The following MAGI1 variants were observed in gnomAD, a reference collection of about 807,000 sequenced individuals.
MAGI1 encodes membrane-associated guanylate kinase, WW and PDZ domain-containing protein 1.
A neutral mutation model predicts 139.9 loss-of-function variants in MAGI1; 58 were observed. The ratio of observed to expected loss-of-function variants is 0.41; its 90% CI spans 0.34 to 0.52. MAGI1 has a LOEUF of 0.52. Ranked by LOEUF, MAGI1 falls within the 20% of genes least tolerant of loss-of-function variation. MAGI1 has a pLI of 0.12. For synonymous variants in MAGI1, 812 were observed against 737.9 expected, an observed-to-expected ratio of 1.10 and a Z score of -1.63; for missense variants, 1,874 against 1,901.6, an observed-to-expected ratio of 0.99 and a Z score of 0.27.
chr3:65,941,763 A>G (rs2063326130), intron 1 of MAGI1, among the ~76,000 whole-genome samples: 1 of 152,338 alleles, frequency 6.6e-6, no homozygotes, highest in Middle Eastern at 3.4e-3. Context: ...TTCAGGCATT[A>G]AAGGAAAAGT....
intron 1 of MAGI1, among the ~76,000 whole-genome samples, chr3:65,979,742 A>G (rs1560076962): frequency 6.6e-6 from 1 of 152,186 alleles, no homozygotes; most frequent in African/African-American, 2.4e-5. Context: ...TCATAAAGGA[A>G]AAGCTTAGGT....
At chr3:65,737,213 G>C (rs544784433) in intron 1 of MAGI1, among the ~76,000 whole-genome samples, 1 of 152,212 alleles carries the variant, frequency 6.6e-6, no homozygotes, top group African/African-American at 2.4e-5. Flanking sequence ...CCGTGTTATA[G>C]CCAGGATGGT....
At position 65,591,747 on chromosome 3, in the gene MAGI1, C is replaced by T. The variant is rs539711745; in HGVS notation, c.430+30225G>A. Among the ~76,000 whole-genome samples the T allele has an allele frequency of 7.8e-4, 119 of 152,292 alleles. 1 individual carries two copies. The highest frequency in any genetic ancestry group is 1.1e-3 in the Non-Finnish European group (78 of 68,018). On this transcript the variant is annotated intron_variant, in intron 2 of 22. Transcript: ENST00000402939. ...ACTCTATTTCTGCCACTCCGGCCTC[C>T]TTGCTGTTCCTCTGAAAATGCAGGT...
At chr3:65,926,026 T>C (rs2106658446) in intron 1 of MAGI1, among the ~76,000 whole-genome samples, 1 of 152,338 alleles carries the variant, frequency 6.6e-6, no homozygotes, top group African/African-American at 2.4e-5. Flanking sequence ...TAAATGCTTT[T>C]ATCTCCATTT....
chr3:65,952,455 G>A (rs569673529), intron 1 of MAGI1, among the ~76,000 whole-genome samples: 21 of 152,282 alleles, frequency 1.4e-4, no homozygotes, highest in Middle Eastern at 3.4e-3. Flanking sequence ...CCTTAACTAC[G>A]TACCAAAACA....
chr3:65,447,974 C>T, intron 7 of MAGI1, 48 bp downstream of exon 7: 5 of 1,603,028 alleles, frequency 3.1e-6, no homozygotes, highest in East Asian at 2.2e-5. Context: ...ACCATGCAGG[C>T]CATGTCATGC....
At chr3:65,691,236 G>A (rs971123877) in intron 1 of MAGI1, among the ~76,000 whole-genome samples, 10 of 150,948 alleles carry the variant, frequency 6.6e-5, no homozygotes, top group African/African-American at 1.9e-4. Context: ...CCGGGAGGAG[G>A]AGGTTGCAGT....
chr3:65,471,137 C>T (rs575609648), intron 4 of MAGI1, among the ~76,000 whole-genome samples: 1 of 152,232 alleles, frequency 6.6e-6, no homozygotes, highest in Middle Eastern at 3.4e-3. Flanking sequence ...ACCCCCAGAA[C>T]AGTATCATGT....
At chr3:65,924,263 C>T (rs2062382893) in intron 1 of MAGI1, among the ~76,000 whole-genome samples, 1 of 152,194 alleles carries the variant, frequency 6.6e-6, no homozygotes, top group Non-Finnish European at 1.5e-5. Flanking sequence ...CCTATTCAAA[C>T]CTGTCTTTCC....
intron 1 of MAGI1, among the ~76,000 whole-genome samples, chr3:65,661,897 G>A (rs1441672957): frequency 2.6e-5 from 4 of 151,418 alleles, no homozygotes; most frequent in East Asian, 2.0e-4. Context: ...ACAGGTGCCC[G>A]CCACCATGCC....
chr3:65,848,287 C>T lies in MAGI1; in HGVS notation c.313+189709G>A, dbSNP rs898558707. ...GAAACATATGGAAGAATTAAAGTGGCGAGCTAAGTGAAGCAAAGCGAAGCA... is the reference window on the plus strand; with the variant it reads ...GAAACATATGGAAGAATTAAAGTGGTGAGCTAAGTGAAGCAAAGCGAAGCA... On this transcript the variant is annotated intron_variant, in intron 1 of 22. Transcript: ENST00000402939. 2.6e-5 allele frequency among the ~76,000 whole-genome samples: 4 copies of T among 152,244 alleles called. No individual in the cohort carries two copies. In the South Asian group the frequency reaches 6.2e-4, roughly 24 times the overall value.
At chr3:65,966,150 A>G (rs1325414492) in intron 1 of MAGI1, among the ~76,000 whole-genome samples, 1 of 152,210 alleles carries the variant, frequency 6.6e-6, no homozygotes, top group Non-Finnish European at 1.5e-5. Context: ...CAACAAACTA[A>G]GAGTAATTTG....
intron 12 of MAGI1, among the ~76,000 whole-genome samples, chr3:65,410,582 T>C (rs1024941277): frequency 6.6e-6 from 1 of 152,228 alleles, no homozygotes; most frequent in Non-Finnish European, 1.5e-5. Flanking sequence ...CTTTATGAAA[T>C]ACATGGACCT....
intron 2 of MAGI1, among the ~76,000 whole-genome samples, chr3:65,599,841 G>A (rs148931684): frequency 0.013 from 1,977 of 152,120 alleles, 28 homozygotes; most frequent in Non-Finnish European, 0.02. Flanking sequence ...CCAGAAAAAA[G>A]CGAGTAAGAT....
chr3:65,562,523 C>CT (rs1320030127), intron 2 of MAGI1, among the ~76,000 whole-genome samples: 1 of 152,174 alleles, frequency 6.6e-6, no homozygotes, highest in African/African-American at 2.4e-5. Flanking sequence ...AGCTCTATCT[C>CT]TGTTTCCCAG....
At chr3:65,552,993 G>A (rs1408835546) in intron 2 of MAGI1, among the ~76,000 whole-genome samples, 4 of 152,126 alleles carry the variant, frequency 2.6e-5, no homozygotes, top group Non-Finnish European at 4.4e-5. Context: ...TCTGTTCAGC[G>A]TGGTAATACA....
chr3:65,948,747 A>C (rs1022642491), intron 1 of MAGI1, among the ~76,000 whole-genome samples: 1 of 152,254 alleles, frequency 6.6e-6, no homozygotes, highest in African/African-American at 2.4e-5. Context: ...CAGACTTAAA[A>C]AGCTATATAT....
At chr3:65,791,255 C>T (rs140777034) in intron 1 of MAGI1, among the ~76,000 whole-genome samples, 1,578 of 152,278 alleles carry the variant, frequency 0.01, 22 homozygotes, top group African/African-American at 0.028. Context: ...ACACACTCTC[C>T]TCCTTCGAAG....
intron 1 of MAGI1, among the ~76,000 whole-genome samples, chr3:65,703,750 C>T (rs1011841464): frequency 5.3e-5 from 8 of 152,086 alleles, no homozygotes; most frequent in Non-Finnish European, 7.4e-5. Flanking sequence ...GGGATGCCTG[C>T]GGGAGAGAAG....
Sources: allele counts gnomAD v4.1 joint callset (sites outside exome capture counted in the v4.1 genomes callset), GRCh38; gene constraint gnomAD v4.1.1; transcripts MANE v1.5; gene names NCBI Gene and HGNC (gene_info 2026-07-23, HGNC 2026-07-21).